NRG1: variants seen among roughly 807,000 people sequenced by gnomAD.
The protein encoded by NRG1 is neuregulin 1, also known as pro-neuregulin-1, membrane-bound isoform.
NRG1 carries 18 observed loss-of-function variants against 63.8 expected under a neutral mutation model. The observed-to-expected ratio is 0.28, with a 90% CI of 0.19 to 0.42. The LOEUF (loss-of-function observed/expected upper bound fraction) is 0.42. Among genes scored for constraint, NRG1 ranks in the 10% least tolerant of loss-of-function variants. The pLI, the probability that NRG1 is intolerant of heterozygous loss-of-function variation, is 1.00. For missense variants in NRG1, 762 were observed against 814.7 expected (o/e 0.94, Z 0.79); for synonymous variants, 302 against 301.3 (o/e 1.00, Z -0.02).
intron 1 of NRG1, among the ~76,000 whole-genome samples, chr8:32,342,467 G>A (rs1191664233): frequency 6.6e-6 from 1 of 152,100 alleles, no homozygotes; most frequent in East Asian, 1.9e-4. Context: ...TCCTACTGTT[G>A]TTATCCATCT....
At chr8:32,140,958 G>A (rs896279051) in intron 1 of NRG1, among the ~76,000 whole-genome samples, 12 of 147,866 alleles carry the variant, frequency 8.1e-5, no homozygotes, top group East Asian at 3.9e-4. Flanking sequence ...TCTCTCTCTC[G>A]CTCACTCTCT....
At chr8:31,886,338 T>G (rs182385981) in intron 1 of NRG1, among the ~76,000 whole-genome samples, 229 of 152,252 alleles carry the variant, frequency 1.5e-3, no homozygotes, top group Admixed American at 2.5e-3. Context: ...GTTAATGTTT[T>G]AGTGTATTTT....
chr8:32,467,789 C>G lies in NRG1; in HGVS notation c.38-128039C>G, dbSNP rs910383264. Among the ~76,000 whole-genome samples the G allele has an allele frequency of 2.2e-4, 33 of 152,146 alleles. 1 individual carries two copies. Among genetic ancestry groups the G allele is most frequent in the Non-Finnish European group, 8.8e-5 (6 of 68,022 alleles). Reference sequence around the variant, plus strand: ...CCAGAACTGGTATGATGTGAAAGGTCAATGACATCAGAAACGGCCTCAGGG... The same window carrying G: ...CCAGAACTGGTATGATGTGAAAGGTGAATGACATCAGAAACGGCCTCAGGG... On this transcript the variant is annotated intron_variant, in intron 1 of 10. Coordinates refer to the NRG1 transcript ENST00000519301.
intron 1 of NRG1, among the ~76,000 whole-genome samples, chr8:31,773,587 G>A (rs988498319): frequency 5.3e-5 from 8 of 152,092 alleles, no homozygotes; most frequent in Admixed American, 6.6e-5. Context: ...ACAGCCAGAG[G>A]GATCTTTTAA....
intron 1 of NRG1, among the ~76,000 whole-genome samples, chr8:32,049,875 C>T (rs1031640390): frequency 3.3e-5 from 5 of 152,106 alleles, no homozygotes; most frequent in Admixed American, 3.3e-4. Context: ...GAGCTCTGAG[C>T]CTTCTCAGTG....
intron 1 of NRG1, among the ~76,000 whole-genome samples, chr8:31,784,334 G>A (rs2131627995): frequency 6.6e-6 from 1 of 152,312 alleles, no homozygotes; most frequent in East Asian, 1.9e-4. Context: ...TGAGCTAAGA[G>A]CTTCTGCATT....
chr8:31,852,143 C>A (rs1827302218), intron 1 of NRG1, among the ~76,000 whole-genome samples: 1 of 152,068 alleles, frequency 6.6e-6, no homozygotes, highest in Non-Finnish European at 1.5e-5. Flanking sequence ...ATGGCTGGGT[C>A]AAATGGTATT....
chr8:32,474,526 CT>C (rs1403556594), intron 1 of NRG1, among the ~76,000 whole-genome samples: 1 of 146,850 alleles, frequency 6.8e-6, no homozygotes, highest in Non-Finnish European at 1.5e-5. Context: ...CGGAGTCTCA[CT>C]CTGCCGCCAG....
intron 5 of NRG1, among the ~76,000 whole-genome samples, chr8:32,648,941 A>G (rs1371323893): frequency 6.6e-6 from 1 of 152,118 alleles, no homozygotes; most frequent in African/African-American, 2.4e-5. Flanking sequence ...TAAGACATTT[A>G]CGGTGCTAGC....
chr8:32,538,449 A>T (rs1045690527), intron 1 of NRG1, among the ~76,000 whole-genome samples: 4 of 152,192 alleles, frequency 2.6e-5, no homozygotes, highest in Non-Finnish European at 5.9e-5. Flanking sequence ...ATATGATTAT[A>T]CCATGTTTTT....
At chr8:32,083,578 T>C (rs1362946514) in intron 1 of NRG1, among the ~76,000 whole-genome samples, 1 of 152,160 alleles carries the variant, frequency 6.6e-6, no homozygotes, top group African/African-American at 2.4e-5. Context: ...ATTCCCAGGA[T>C]TCCAGCTCCT....
chr8:32,549,701 G>A (rs1833761494), intron 1 of NRG1, among the ~76,000 whole-genome samples: 2 of 152,172 alleles, frequency 1.3e-5, no homozygotes, highest in South Asian at 2.1e-4. Flanking sequence ...CAGAACACGA[G>A]CATGAACAAA....
At chr8:31,919,049 T>C (rs960852658) in intron 1 of NRG1, among the ~76,000 whole-genome samples, 6 of 152,148 alleles carry the variant, frequency 3.9e-5, no homozygotes, top group Admixed American at 3.9e-4. Context: ...AGTGGTGATA[T>C]CCCCTTTATC....
At chr8:32,060,049 A>G (rs530218164) in intron 1 of NRG1, among the ~76,000 whole-genome samples, 11 of 152,000 alleles carry the variant, frequency 7.2e-5, no homozygotes, top group African/African-American at 2.4e-4. Flanking sequence ...CTTGCTCTCT[A>G]TTTTAATTGT....
intron 1 of NRG1, among the ~76,000 whole-genome samples, chr8:32,126,164 T>G (rs1481066152): frequency 6.6e-6 from 1 of 151,862 alleles, no homozygotes; most frequent in Admixed American, 6.6e-5. Context: ...TCAAGAGGTT[T>G]TGTAGATTTA....
intron 5 of NRG1, among the ~76,000 whole-genome samples, chr8:32,694,370 T>G (rs1048641202): frequency 1.3e-5 from 2 of 152,184 alleles, no homozygotes; most frequent in Non-Finnish European, 2.9e-5. Context: ...TTCCAGAATG[T>G]TCTGTATGTA....
intron 6 of NRG1, among the ~76,000 whole-genome samples, chr8:32,738,425 TACACAC>T (rs35398326): frequency 1.3e-5 from 2 of 149,664 alleles, no homozygotes; most frequent in Admixed American, 1.3e-4. Flanking sequence ...GGTATATACA[TACACAC>T]ACACACACAC....
At chr8:32,459,888 T>C (rs1396824451) in intron 1 of NRG1, among the ~76,000 whole-genome samples, 1 of 152,240 alleles carries the variant, frequency 6.6e-6, no homozygotes, top group Non-Finnish European at 1.5e-5. Context: ...GTATCTTGTT[T>C]AGTCAGATCT....
At chr8:32,546,574 C>T (rs865920965), upstream of NRG1, among the ~76,000 whole-genome samples, 76 of 152,256 alleles carry the variant, frequency 5.0e-4, no homozygotes, top group African/African-American at 1.6e-3. Flanking sequence ...ATCTTGCATA[C>T]GTCTCTGTGG....
Sources: allele counts gnomAD v4.1 joint callset (sites outside exome capture counted in the v4.1 genomes callset), GRCh38; gene constraint gnomAD v4.1.1; transcripts MANE v1.5; gene names NCBI Gene and HGNC (gene_info 2026-07-23, HGNC 2026-07-21).